Variants in TENM1 observed in about 807,000 individuals in gnomAD.
TENM1 encodes teneurin-1.
A neutral mutation model predicts 174.8 loss-of-function variants in TENM1; 35 were observed. The observed-to-expected ratio is 0.20, with a 90% CI of 0.15 to 0.27. TENM1 has a LOEUF of 0.27. Among genes scored for constraint, TENM1 ranks in the 10% least tolerant of loss-of-function variants. TENM1 has a pLI of 1.00. For synonymous variants in TENM1, 781 were observed against 798.7 expected (o/e 0.98, Z 0.37); for missense variants, 1,633 against 2,130.1 (o/e 0.77, Z 4.59).
the TENM1 span, among the ~76,000 whole-genome samples, chrX:125,037,399 G>A: frequency 2.7e-5 from 3 of 110,444 alleles, no homozygotes; most frequent in African/African-American, 9.9e-5. Context: ...TTATGGGGCA[G>A]GATGGGCAGA....
At chrX:124,495,463 T>G (rs1213739332) in intron 20 of TENM1, among the ~76,000 whole-genome samples, 2 of 109,202 alleles carry the variant, frequency 1.8e-5, no homozygotes, top group African/African-American at 6.8e-5. Context: ...TTTTGTAGGT[T>G]GCCTGTTCAC....
At chrX:124,575,032 C>CACATGCATGCACATGCACACATATAT (rs1913786590) in intron 11 of TENM1, among the ~76,000 whole-genome samples, 1 of 112,079 alleles carries the variant, frequency 8.9e-6, no homozygotes, top group Non-Finnish European at 1.9e-5. Context: ...CACACGTGCA[C>CACATGCATGCACATGCACACATATAT]ACATGCATGC....
chrX:125,144,629 G>A, the TENM1 span, among the ~76,000 whole-genome samples: 1 of 111,819 alleles, frequency 8.9e-6, no homozygotes, highest in African/African-American at 3.2e-5. Context: ...GAATACCACA[G>A]GAGCATAGGA....
the TENM1 span, among the ~76,000 whole-genome samples, chrX:124,972,553 A>T: frequency 8.9e-6 from 1 of 112,372 alleles, no homozygotes; most frequent in Non-Finnish European, 1.9e-5. Flanking sequence ...TCTAACACTG[A>T]AAAAGAACAC....
chrX:124,618,037 T>C (rs16999314), intron 11 of TENM1, among the ~76,000 whole-genome samples: 11,051 of 111,823 alleles, frequency 0.099, 1,018 homozygotes, highest in African/African-American at 0.29. Context: ...TTATGAAATG[T>C]CAGTATACTT....
intron 22 of TENM1, among the ~76,000 whole-genome samples, chrX:124,477,309 C>G (rs746265273): frequency 8.9e-6 from 1 of 112,251 alleles, no homozygotes; most frequent in Admixed American, 9.5e-5. Flanking sequence ...GGGTACACTA[C>G]TAGGTCAGAA....
intron 16 of TENM1, among the ~76,000 whole-genome samples, chrX:124,527,955 C>T (rs1282688453): frequency 2.8e-5 from 3 of 106,730 alleles, no homozygotes; most frequent in Non-Finnish European, 5.8e-5. Context: ...CGTGCCCGGC[C>T]GACCTCAGGT....
Position 124,860,930 on chromosome X carries a change from C to T in TENM1, c.535+33366G>A, listed in dbSNP as rs577337001. ...CTAGTTCTAGGCAGCTGCTTAGAAA[C>T]GAGAAGTAAAACAGAAACATCTTGA... On this transcript the variant is annotated intron_variant, in intron 3 of 31. Transcript: ENST00000422452. Among the ~76,000 whole-genome samples, 121 of 111,407 alleles carry T rather than the reference C, an allele frequency of 1.1e-3. 1 individual carries two copies. The highest frequency in any genetic ancestry group is 3.8e-3 in the African/African-American group (116 of 30,720).
chrX:124,512,303 G>A (rs1391498174), intron 18 of TENM1, among the ~76,000 whole-genome samples: 1 of 110,336 alleles, frequency 9.1e-6, no homozygotes, highest in African/African-American at 3.3e-5. Flanking sequence ...ACATTGTTTT[G>A]CAAGCAGCAG....
At chrX:124,397,678 AC>A (rs1384331281) in intron 27 of TENM1, among the ~76,000 whole-genome samples, 15 of 109,173 alleles carry the variant, frequency 1.4e-4, no homozygotes, top group Non-Finnish European at 2.1e-4. Context: ...GCTCACCACA[AC>A]CTCCACCTCC....
intron 27 of TENM1, among the ~76,000 whole-genome samples, chrX:124,395,467 G>C (rs1333139843): frequency 9.1e-6 from 1 of 110,103 alleles, no homozygotes; most frequent in African/African-American, 3.3e-5. Context: ...GCCATGAATT[G>C]TATCTGGAAG....
intron 11 of TENM1, among the ~76,000 whole-genome samples, chrX:124,626,227 T>C (rs776298184): frequency 9.9e-5 from 11 of 110,915 alleles, no homozygotes; most frequent in Non-Finnish European, 2.1e-4. Context: ...TTCCATTGAA[T>C]GTATGTATTT....
intron 5 of TENM1, among the ~76,000 whole-genome samples, chrX:124,700,677 G>GA (rs2052755550): frequency 9.0e-6 from 1 of 110,809 alleles, no homozygotes; most frequent in African/African-American, 3.3e-5. Flanking sequence ...ATTTAATGGG[G>GA]AAAAAACTCC....
chrX:124,969,190 A>G, the TENM1 span, among the ~76,000 whole-genome samples: 1 of 112,691 alleles, frequency 8.9e-6, no homozygotes, highest in African/African-American at 3.2e-5. Flanking sequence ...TCTAAGACAA[A>G]GCAAATGTGT....
chrX:124,969,347 C>T, the TENM1 span, among the ~76,000 whole-genome samples: 1 of 112,035 alleles, frequency 8.9e-6, no homozygotes, highest in African/African-American at 3.2e-5. Context: ...AAACTCTCTA[C>T]TTGCTAACAA....
intron 3 of TENM1, among the ~76,000 whole-genome samples, chrX:124,802,042 T>C (rs1884068016): frequency 9.0e-6 from 1 of 111,220 alleles, no homozygotes; most frequent in Non-Finnish European, 1.9e-5. Flanking sequence ...CTTCTTTGCA[T>C]TGGGTTAGAA....
Position 124,894,369 on chromosome X carries a change from T to G in TENM1, c.479-17A>C. On this transcript the variant is annotated splice_polypyrimidine_tract_variant and intron_variant, in intron 2 of 31. Transcript: ENST00000422452. ...ATTTGAAACCTGTAACAGTAAACATTTCACTAGTTAAGCCTTGTCCAAGTC... is the reference window on the plus strand; with the variant it reads ...ATTTGAAACCTGTAACAGTAAACATGTCACTAGTTAAGCCTTGTCCAAGTC... 1 of 1,165,824 alleles carries G rather than the reference T, an allele frequency of 8.6e-7. No individual in the cohort carries two copies. The highest frequency in any genetic ancestry group is 2.4e-4 in the Middle Eastern group (1 of 4,226).
chrX:124,513,585 C>T (rs1469662807), intron 18 of TENM1, among the ~76,000 whole-genome samples: 1 of 112,244 alleles, frequency 8.9e-6, no homozygotes, highest in African/African-American at 3.2e-5. Flanking sequence ...TGAAGCAAAT[C>T]TGAAAAGTGT....
chrX:125,167,582 G>T, the TENM1 span, among the ~76,000 whole-genome samples: 1 of 110,715 alleles, frequency 9.0e-6, no homozygotes, highest in African/African-American at 3.3e-5. Context: ...TCATAAACAT[G>T]GCATAGAAAA....
Sources: allele counts gnomAD v4.1 joint callset (sites outside exome capture counted in the v4.1 genomes callset), GRCh38; gene constraint gnomAD v4.1.1; transcripts MANE v1.5; gene names NCBI Gene and HGNC (gene_info 2026-07-23, HGNC 2026-07-21).